The following PINK1 variants were observed in gnomAD, a reference collection of about 807,000 sequenced individuals.
PINK1 encodes PTEN induced kinase 1.
PINK1 carries 58 observed loss-of-function variants against 56.0 expected under a neutral mutation model. The ratio of observed to expected loss-of-function variants is 1.04; its 90% CI spans 0.84 to 1.29. The LOEUF (loss-of-function observed/expected upper bound fraction) is 1.29, where lower values mean the gene tolerates loss of function less well. PINK1 is among the 50% of genes most tolerant of loss of function. The pLI, the probability that PINK1 is intolerant of heterozygous loss-of-function variation, is 0.00. For missense variants in PINK1, 745 were observed against 777.9 expected, an observed-to-expected ratio of 0.96 and a Z score of 0.50; for synonymous variants, 354 against 339.3, an observed-to-expected ratio of 1.04 and a Z score of -0.48.
intron 3 of PINK1, among the ~76,000 whole-genome samples, chr1:20,640,716 C>T (rs1024474086): frequency 1.3e-5 from 2 of 152,140 alleles, no homozygotes; most frequent in Admixed American, 6.5e-5. Flanking sequence ...TGAGGACTGA[C>T]GCGCAGGCTA....
rs917164407 is a variant in PINK1, at chr1:20,650,904, A to G, written c.*213A>G. 37 of 642,338 alleles carry G rather than the reference A, an allele frequency of 5.8e-5. No homozygotes were observed. In the Admixed American group the frequency reaches 8.9e-4, roughly 15 times the overall value. The allele number at this position is 642,338 out of a possible 1,614,324, so 39.8% of individuals were successfully genotyped here. A position where few individuals can be genotyped will look rare whatever the true frequency, so the allele number is the denominator to read the frequency against. On this transcript the variant is annotated 3_prime_UTR_variant, in exon 8 of 8. Coordinates refer to ENST00000321556, the MANE Select transcript of PINK1 (RefSeq NM_032409.3). ...CAGACATCTGAAAAGTGAATGGCCAAGCTGGTCTAGTAGATGAGGCTGGAC... is the reference window on the plus strand; with the variant it reads ...CAGACATCTGAAAAGTGAATGGCCAGGCTGGTCTAGTAGATGAGGCTGGAC...
chr1:20,644,646 C>G lies in PINK1; in HGVS notation c.933C>G (p.Gly311=), dbSNP rs1052357378. 1.2e-6 allele frequency: 2 copies of G among 1,614,210 alleles called. No individual in the cohort carries two copies. The highest frequency in any genetic ancestry group is 1.7e-6 in the Non-Finnish European group (2 of 1,180,040). The change falls in exon 4 of 8, where the codon GGC becomes GGG. Residue 311 remains glycine, a synonymous_variant. Coordinates refer to ENST00000321556, the MANE Select transcript of PINK1 (RefSeq NM_032409.3). ...SRLHPEGLGH[G]RTLFLVMKNY... Reference sequence around the variant, plus strand: ...TCCACCCTGAAGGCCTGGGCCATGGCCGGACGCTGTTCCTCGTTATGAAGA... The same window carrying G: ...TCCACCCTGAAGGCCTGGGCCATGGGCGGACGCTGTTCCTCGTTATGAAGA...
rs2053269900 is a variant in PINK1 at position 20,651,219 on chromosome 1, G to GTAAGT, written c.*529_*533dup. 5.7e-6 allele frequency: 1 copy of GTAAGT among 175,716 alleles called. No homozygotes were observed. Among genetic ancestry groups the GTAAGT allele is most frequent in the South Asian group, 1.3e-4 (1 of 7,554 alleles). 10.9% of individuals were successfully genotyped at this position (175,716 alleles called of 1,614,324 possible). ...ACTTAGCGAAAGTGACGGATGAGCA[G>GTAAGT]TAAGTAAGTAAGTGTGGGGATTTAA... On this transcript the variant is annotated 3_prime_UTR_variant, in exon 8 of 8. Coordinates refer to ENST00000321556, the MANE Select transcript of PINK1 (RefSeq NM_032409.3).
intron 6 of PINK1, 111 bp from the exon 7 acceptor site, chr1:20,648,884 C>G: frequency 1.5e-6 from 2 of 1,358,384 alleles, no homozygotes; most frequent in South Asian, 2.4e-5. Flanking sequence ...CACTCAAGCT[C>G]TGGGTTCCTT....
intron 2 of PINK1, chr1:20,639,065 A>T (rs1307232321): frequency 1.3e-5 from 2 of 152,684 alleles, no homozygotes; most frequent in Non-Finnish European, 2.9e-5. Context: ...ATGTATTAAG[A>T]CCCGATGCTC....
At chr1:20,647,053 ATTTTTTTTTT>A (rs71585775) in intron 5 of PINK1, among the ~76,000 whole-genome samples, 3,138 of 91,508 alleles carry the variant, frequency 0.034, 128 homozygotes, top group African/African-American at 0.11. Context: ...CTAATTTTTG[ATTTTTTTTTT>A]TTTTTTTTTT....
intron 2 of PINK1, 115 bp from the exon 3 acceptor site, chr1:20,639,777 G>T: frequency 1.1e-6 from 1 of 914,274 alleles, no homozygotes; most frequent in Non-Finnish European, 1.7e-6. Context: ...TATCTCGAAG[G>T]TCAGAGCCAA....
chr1:20,649,273 A>C (rs773594280), intron 7 of PINK1, 42 bp downstream of exon 7: 1 of 1,597,428 alleles, frequency 6.3e-7, no homozygotes, highest in Admixed American at 1.7e-5. Flanking sequence ...GTGGGTAGAA[A>C]CCTCTGTTCT....
In PINK1 at chr1:20,649,133, C is replaced by T. The variant is rs1464230596; in HGVS notation, c.1390C>T (p.Arg464Cys). 4 of 1,614,246 alleles carry T rather than the reference C, an allele frequency of 2.5e-6. No homozygotes were observed. The highest frequency in any genetic ancestry group is 2.2e-5 in the East Asian group (1 of 44,882). ...CCAGGGCAAGGCCCACCTTGAAAGC[C>T]GCAGCTACCAAGAGGCTCAGCTACC... is the stretch of plus-strand genomic sequence containing the variant. ...YGQGKAHLES[R>C]SYQEAQLPAL... The change falls in exon 7 of 8, where the codon CGC becomes TGC. Residue 464 changes from arginine (R) to cysteine (C), a missense_variant. Coordinates refer to ENST00000321556, the MANE Select transcript of PINK1 (RefSeq NM_032409.3).
rs2154533505 is a variant in PINK1, at chr1:20,633,910, C to T, written c.362C>T (p.Ala121Val). 1.3e-6 allele frequency: 2 copies of T among 1,574,350 alleles called. No individual in the cohort carries two copies. Among genetic ancestry groups the T allele is most frequent in the African/African-American group, 1.4e-5 (1 of 73,738 alleles). The change falls in exon 1 of 8, where the codon GCG becomes GTG. Residue 121 changes from alanine (A) to valine (V), a missense_variant. Physicochemically the swap from Ala to Val is moderately conservative, Grantham distance 64. Coordinates refer to ENST00000321556, the MANE Select transcript of PINK1 (RefSeq NM_032409.3). Reference protein sequence around the residue: ...IEEKQAESRRAVSACQEIQAI... With the variant: ...IEEKQAESRRVVSACQEIQAI... Reference sequence around the variant, plus strand: ...GAAAAACAGGCGGAGAGCCGGCGGGCGGTCTCGGCCTGTCAGGAGATCCAG... The same window carrying T: ...GAAAAACAGGCGGAGAGCCGGCGGGTGGTCTCGGCCTGTCAGGAGATCCAG...
chr1:20,634,000 T>TAGGTG, intron 1 of PINK1, 65 bp downstream of exon 1: 1 of 696,620 alleles, frequency 1.4e-6, no homozygotes, highest in Non-Finnish European at 1.9e-6. Flanking sequence ...GGTCCTCAGC[T>TAGGTG]GGGTGGGGGC....
chr1:20,648,673 C>G, intron 6 of PINK1, 41 bp downstream of exon 6: 1 of 1,609,894 alleles, frequency 6.2e-7, no homozygotes, highest in Non-Finnish European at 8.5e-7. Flanking sequence ...CAGCCCTTCC[C>G]CCACATGTCC....
intron 7 of PINK1, chr1:20,649,857 T>C (rs1341104244): frequency 1.1e-5 from 2 of 177,718 alleles, no homozygotes; most frequent in Admixed American, 1.1e-4. Context: ...TGGAAGCAGC[T>C]GAGAACTGAT....
rs56383368 is a variant in PINK1, at chr1:20,649,105, C to T, written c.1362C>T (p.Tyr454=). 92 of 1,614,214 alleles carry T rather than the reference C, an allele frequency of 5.7e-5. No individual in the cohort carries two copies. In the East Asian group the frequency reaches 1.7e-3, roughly 30 times the overall value. ...YEIFGLVNPF[Y]GQGKAHLESR... is the part of the protein sequence containing the mutation. ...TCTTCGGGCTTGTCAATCCCTTCTA[C>T]GGCCAGGGCAAGGCCCACCTTGAAA... Residue 454 remains tyrosine, a synonymous_variant, in exon 7 of 8, where the codon TAC becomes TAT. Transcript: ENST00000321556.
chr1:20,638,727 A>T (rs1354007208), intron 2 of PINK1: 1 of 164,092 alleles, frequency 6.1e-6, no homozygotes, highest in Non-Finnish European at 1.3e-5. Context: ...TGCCTTCCCA[A>T]TAAGCTCCCA....
rs2053113885 is a variant in PINK1 at position 20,641,309 on chromosome 1, G to A, written c.776+1317G>A. Among the ~76,000 whole-genome samples the A allele has an allele frequency of 6.6e-6, 1 of 152,052 alleles. No individual in the cohort carries two copies. The highest frequency in any genetic ancestry group is 2.4e-5 in the African/African-American group (1 of 41,382). On this transcript the variant is annotated intron_variant, in intron 3 of 7. Coordinates refer to ENST00000321556, the MANE Select transcript of PINK1 (RefSeq NM_032409.3). This position sits in a 1 kb window ranked among gnomAD's most constrained non-coding sequence, Gnocchi z 4.0. ...ACACCTGAATGTCAGCTGCTTTGGG[G>A]CTAACATGATCCTTGATGCCTCCTT...
At chr1:20,648,661 G>A (rs370380947) in intron 6 of PINK1, 29 bp downstream of exon 6, 21 of 1,611,532 alleles carry the variant, frequency 1.3e-5, no homozygotes, top group Middle Eastern at 1.7e-4. Context: ...ATGCGCCATC[G>A]GCAGCCCTTC....
intron 4 of PINK1, among the ~76,000 whole-genome samples, chr1:20,644,963 A>C (rs1253588967): frequency 1.3e-5 from 2 of 152,238 alleles, no homozygotes; most frequent in Non-Finnish European, 2.9e-5. Flanking sequence ...TGTTTTTAAC[A>C]TAAAAACCGT....
Position 20,650,562 on chromosome 1 carries a change from G to C in PINK1, c.1617G>C (p.Leu539Phe), listed in dbSNP as rs1318236292. Residue 539 changes from leucine to phenylalanine, a missense_variant, in exon 8 of 8, where the codon TTG (leucine) becomes TTC (phenylalanine). By Grantham distance (22) the Leu-to-Phe change is conservative. Coordinates refer to ENST00000321556, the MANE Select transcript of PINK1 (RefSeq NM_032409.3). ...GWLLQQSAAT[L>F]LANRLTEKCC... ...TCCTCCAACAATCGGCCGCCACTTT[G>C]TTGGCCAACAGGCTCACAGAGAAGT... 4 of 1,614,226 alleles carry C rather than the reference G, an allele frequency of 2.5e-6. No individual in the cohort carries two copies. The highest frequency in any genetic ancestry group is 2.2e-5 in the South Asian group (2 of 91,088).
Sources: gnomAD v4.1 joint callset for allele counts (sites outside exome capture counted in the v4.1 genomes callset) on GRCh38, gnomAD v4.1.1 for gene constraint, Gnocchi (gnomAD v3.1) non-coding constraint, MANE v1.5 for transcripts, NCBI Gene and HGNC (gene_info 2026-07-23, HGNC 2026-07-21) for gene names.